ANKRD44: variants seen among roughly 807,000 people sequenced by gnomAD.
The protein encoded by ANKRD44 is serine/threonine-protein phosphatase 6 regulatory ankyrin repeat subunit B.
ANKRD44 carries 35 observed loss-of-function variants against 116.0 expected under a neutral mutation model. That is an observed-to-expected ratio of 0.30 (90% CI 0.23 to 0.40). The LOEUF (loss-of-function observed/expected upper bound fraction) is 0.40, where lower values mean the gene tolerates loss of function less well. Ranked by LOEUF, ANKRD44 falls within the 10% of genes least tolerant of loss-of-function variation. ANKRD44 has a pLI of 1.00. For synonymous variants in ANKRD44, 435 were observed against 461.8 expected, an observed-to-expected ratio of 0.94 and a Z score of 0.74; for missense variants, 1,014 against 1,242.6, an observed-to-expected ratio of 0.82 and a Z score of 2.77.
At position 196,988,109 on chromosome 2, in the gene ANKRD44, G is replaced by A. The variant is rs1421676980; in HGVS notation, c.*1482C>T. On this transcript the variant is annotated 3_prime_UTR_variant, in exon 28 of 28. Transcript: ENST00000282272. ...CAAAACGCAGCTCCATGGAGATAACGTCTCATGGTGAGTCACTGCTTTGCT... is the reference window on the plus strand; with the variant it reads ...CAAAACGCAGCTCCATGGAGATAACATCTCATGGTGAGTCACTGCTTTGCT... 90 of 985,158 alleles carry A rather than the reference G, an allele frequency of 9.1e-5. No homozygotes were observed. The highest frequency in any genetic ancestry group is 1.0e-4 in the Non-Finnish European group (87 of 829,918). 61.0% of individuals were successfully genotyped at this position (985,158 alleles called of 1,614,324 possible).
At chr2:197,018,571 A>C (rs540184837) in intron 17 of ANKRD44, among the ~76,000 whole-genome samples, 1 of 152,144 alleles carries the variant, frequency 6.6e-6, no homozygotes, top group South Asian at 2.1e-4. Flanking sequence ...CCACCCCACT[A>C]ATCCTGCTTT....
intron 8 of ANKRD44, among the ~76,000 whole-genome samples, chr2:197,114,005 T>C (rs2078651146): frequency 1.3e-5 from 2 of 152,228 alleles, no homozygotes. Context: ...GAGCTCATTA[T>C]TTCAAAAAGC....
At chr2:197,139,515 C>G (rs2079304181) in intron 3 of ANKRD44, among the ~76,000 whole-genome samples, 1 of 151,928 alleles carries the variant, frequency 6.6e-6, no homozygotes, top group South Asian at 2.1e-4. Flanking sequence ...AGTATAAATA[C>G]TAATTCTGGA....
intron 4 of ANKRD44, among the ~76,000 whole-genome samples, chr2:197,133,809 A>C (rs2125376754): frequency 6.6e-6 from 1 of 152,296 alleles, no homozygotes; most frequent in South Asian, 2.1e-4. Flanking sequence ...TAAATTCCAA[A>C]GAAGAAGGAA....
chr2:197,194,941 T>C (rs1170632089), intron 1 of ANKRD44, among the ~76,000 whole-genome samples: 2 of 152,158 alleles, frequency 1.3e-5, no homozygotes, highest in Admixed American at 6.5e-5. Context: ...ATCTTTCATG[T>C]TGGAAAATAA....
At chr2:197,120,554 G>A (rs1419073025) in intron 8 of ANKRD44, among the ~76,000 whole-genome samples, 1 of 152,140 alleles carries the variant, frequency 6.6e-6, no homozygotes, top group Non-Finnish European at 1.5e-5. Flanking sequence ...GGGAGGCTGA[G>A]GCAGGAGAAT....
intron 2 of ANKRD44, among the ~76,000 whole-genome samples, chr2:197,179,724 A>G (rs2125575624): frequency 6.6e-6 from 1 of 152,304 alleles, no homozygotes; most frequent in Admixed American, 6.5e-5. Flanking sequence ...CCAGTGCTGG[A>G]GAGCTCAGGC....
intron 1 of ANKRD44, among the ~76,000 whole-genome samples, chr2:197,265,699 GACCATTTATGAAC>G (rs2105752689): frequency 6.6e-6 from 1 of 152,086 alleles, no homozygotes; most frequent in East Asian, 1.9e-4. Context: ...TTATAATTGA[GACCATTTATGAAC>G]AAAGCATATT....
In ANKRD44 at chr2:197,103,962, A is replaced by C. The variant is rs139003884; in HGVS notation, c.986-4032T>G. On this transcript the variant is annotated intron_variant, in intron 9 of 27. Coordinates refer to ENST00000282272, the MANE Select transcript of ANKRD44 (RefSeq NM_001195144.2). ...TGTCATTAATCTTTTTCATTAATAT[A>C]ATTGTAAATGACTATATAATATCAG... Among the ~76,000 whole-genome samples the C allele has an allele frequency of 2.8e-4, 42 of 152,348 alleles. 1 individual carries two copies. The highest frequency in any genetic ancestry group is 9.9e-4 in the African/African-American group (41 of 41,576).
intron 1 of ANKRD44, among the ~76,000 whole-genome samples, chr2:197,310,270 G>A (rs1194043641): frequency 6.7e-6 from 1 of 150,012 alleles, no homozygotes; most frequent in African/African-American, 2.4e-5. Flanking sequence ...AGAGCACCTC[G>A]AGCCCCCGGC....
intron 21 of ANKRD44, among the ~76,000 whole-genome samples, chr2:196,974,984 A>C (rs1226971454): frequency 1.3e-5 from 2 of 152,152 alleles, no homozygotes; most frequent in East Asian, 1.9e-4. Flanking sequence ...AACAAAAATA[A>C]ATGAAATAGA....
intron 27 of ANKRD44, 99 bp downstream of exon 27, chr2:196,993,484 T>G (rs2075956855): frequency 1.1e-6 from 1 of 944,890 alleles, no homozygotes; most frequent in Non-Finnish European, 1.6e-6. Flanking sequence ...GACAGAATTC[T>G]TAAGTGCCTT....
chr2:197,051,778 G>A (rs1228067460), intron 16 of ANKRD44, among the ~76,000 whole-genome samples: 2 of 152,078 alleles, frequency 1.3e-5, no homozygotes, highest in Non-Finnish European at 1.5e-5. Context: ...TAACCCCTAG[G>A]GGACATTTGG....
intron 1 of ANKRD44, among the ~76,000 whole-genome samples, chr2:197,267,569 T>C (rs1278129250): frequency 2.6e-5 from 4 of 152,158 alleles, no homozygotes; most frequent in Non-Finnish European, 5.9e-5. Flanking sequence ...TCTAGATAGG[T>C]AAAAGGCCAG....
intron 1 of ANKRD44, among the ~76,000 whole-genome samples, chr2:197,256,609 A>G (rs940716783): frequency 2.6e-5 from 4 of 152,224 alleles, no homozygotes; most frequent in Non-Finnish European, 4.4e-5. Context: ...TTCAGGCTTG[A>G]ATTTTTAAAA....
At chr2:197,039,052 C>T (rs1041083301) in intron 16 of ANKRD44, among the ~76,000 whole-genome samples, 3 of 152,076 alleles carry the variant, frequency 2.0e-5, no homozygotes, top group Non-Finnish European at 2.9e-5. Flanking sequence ...CAATTTTTCC[C>T]AAGCAAAATA....
chr2:197,075,028 G>A (rs950410756), intron 16 of ANKRD44, among the ~76,000 whole-genome samples: 15 of 152,080 alleles, frequency 9.9e-5, no homozygotes, highest in African/African-American at 3.4e-4. Context: ...TGAAGTTCAA[G>A]TTCATTCCTA....
intron 4 of ANKRD44, among the ~76,000 whole-genome samples, chr2:197,131,490 G>A (rs1451764428): frequency 1.3e-5 from 2 of 152,168 alleles, no homozygotes; most frequent in Non-Finnish European, 2.9e-5. Flanking sequence ...CGCGCCCGGC[G>A]ATAGTAAGTA....
At chr2:197,232,707 A>T (rs111918790) in intron 1 of ANKRD44, among the ~76,000 whole-genome samples, 7 of 152,302 alleles carry the variant, frequency 4.6e-5, no homozygotes, top group African/African-American at 1.4e-4. Context: ...AGGTTCTCTT[A>T]ATGGCAGGGA....
Sources: gnomAD v4.1 joint callset for allele counts (sites outside exome capture counted in the v4.1 genomes callset) on GRCh38, gnomAD v4.1.1 for gene constraint, MANE v1.5 for transcripts, NCBI Gene and HGNC (gene_info 2026-07-23, HGNC 2026-07-21) for gene names.